The following SLC1A2 variants were observed in gnomAD, a reference collection of about 807,000 sequenced individuals.
The protein encoded by SLC1A2 is excitatory amino acid transporter 2.
SLC1A2 carries 15 observed loss-of-function variants against 48.8 expected under a neutral mutation model. That is an observed-to-expected ratio of 0.31 (90% CI 0.21 to 0.47). The LOEUF is 0.47. Among genes scored for constraint, SLC1A2 ranks in the 20% least tolerant of loss-of-function variants. The pLI is 0.99. For missense variants in SLC1A2, 502 were observed against 730.5 expected (o/e 0.69, Z 3.61); for synonymous variants, 279 against 272.6 (o/e 1.02, Z -0.23).
Position 35,312,519 on chromosome 11 carries a change from A to G in SLC1A2, c.311-71T>C, listed in dbSNP as rs76194787. ...GCTAATGACCTGTGTCTACATTTCT[A>G]TGACGTTAGCTTCATATTACTCAAA... On this transcript the variant is annotated intron_variant, in intron 3 of 10. Coordinates refer to ENST00000278379, the MANE Select transcript of SLC1A2 (RefSeq NM_004171.4). 9.6e-3 allele frequency: 14,640 copies of G among 1,522,182 alleles called. 166 individuals are homozygous for G. Among genetic ancestry groups the G allele is most frequent in the South Asian group, 0.022 (1,875 of 86,600 alleles). 94.3% of individuals were successfully genotyped at this position (1,522,182 alleles called of 1,614,324 possible).
At chr11:35,279,301 G>A (rs573502816) in intron 9 of SLC1A2, among the ~76,000 whole-genome samples, 8 of 152,326 alleles carry the variant, frequency 5.3e-5, no homozygotes, top group Admixed American at 3.3e-4. Flanking sequence ...CCCCCTTGTC[G>A]AAGACCATCT....
At chr11:35,265,842 A>G (rs564086170) in intron 9 of SLC1A2, 84 bp from the exon 10 acceptor site, 205 of 827,880 alleles carry the variant, frequency 2.5e-4, no homozygotes, top group East Asian at 6.6e-4. Flanking sequence ...TCAGAGAGAC[A>G]TAGGGTTGAG....
At chr11:35,369,713 C>T (rs1202203271) in intron 1 of SLC1A2, among the ~76,000 whole-genome samples, 1 of 152,200 alleles carries the variant, frequency 6.6e-6, no homozygotes, top group Non-Finnish European at 1.5e-5. Flanking sequence ...GCCTCTTAAG[C>T]TCTGCCTTGC....
At chr11:35,343,610 G>T (rs572759374) in intron 1 of SLC1A2, among the ~76,000 whole-genome samples, 3 of 151,984 alleles carry the variant, frequency 2.0e-5, no homozygotes, top group African/African-American at 7.3e-5. Flanking sequence ...AATTCCTTCT[G>T]GCTCTGGTGT....
At chr11:35,314,142 A>T (rs1230171192) in intron 3 of SLC1A2, among the ~76,000 whole-genome samples, 2 of 152,242 alleles carry the variant, frequency 1.3e-5, no homozygotes, top group African/African-American at 4.8e-5. Context: ...TAATTATTTT[A>T]GTCAAAGATA....
chr11:35,389,890 G>A (rs554526045), intron 1 of SLC1A2, among the ~76,000 whole-genome samples: 43 of 152,196 alleles, frequency 2.8e-4, no homozygotes, highest in Non-Finnish European at 5.4e-4. Flanking sequence ...TGGATTACAA[G>A]CATGAGACAC....
chr11:35,410,462 T>G (rs190064322), intron 1 of SLC1A2, among the ~76,000 whole-genome samples: 1 of 152,330 alleles, frequency 6.6e-6, no homozygotes, highest in African/African-American at 2.4e-5. Context: ...TGTGGACGCC[T>G]GGATATTCTG....
At chr11:35,368,291 A>G (rs140441895) in intron 1 of SLC1A2, among the ~76,000 whole-genome samples, 4 of 152,352 alleles carry the variant, frequency 2.6e-5, no homozygotes, top group Admixed American at 6.5e-5. Context: ...CAGAATTTAC[A>G]GCTTGTCAGC....
Position 35,312,309 on chromosome 11 carries a change from C to T in SLC1A2, c.450G>A (p.Lys150=), listed in dbSNP as rs745536001. ...LAIHPGNPKL[K]KQLGPGKKND... ...TCTTCTTCCCAGGCCCCAGCTGCTTCTTGAGCTTGGGATTGCCTGGATGGA... is the reference window on the plus strand; with the variant it reads ...TCTTCTTCCCAGGCCCCAGCTGCTTTTTGAGCTTGGGATTGCCTGGATGGA... The change falls in exon 4 of 11, where the codon AAG becomes AAA. Residue 150 remains lysine, a synonymous_variant. Coordinates refer to ENST00000278379, the MANE Select transcript of SLC1A2 (RefSeq NM_004171.4). 9.3e-6 allele frequency: 15 copies of T among 1,614,020 alleles called. No individual in the cohort carries two copies. In the East Asian group the frequency reaches 1.1e-4, roughly 12 times the overall value.
At chr11:35,329,883 C>T (rs1043277256) in intron 1 of SLC1A2, among the ~76,000 whole-genome samples, 1 of 152,210 alleles carries the variant, frequency 6.6e-6, no homozygotes, top group Admixed American at 6.5e-5. Context: ...CAGTTGCCAT[C>T]AGACAATGTA....
At chr11:35,380,083 C>T (rs1168153138) in intron 1 of SLC1A2, among the ~76,000 whole-genome samples, 3 of 152,248 alleles carry the variant, frequency 2.0e-5, no homozygotes, top group Non-Finnish European at 4.4e-5. Context: ...CTCATATTTT[C>T]ATAATCCATC....
At chr11:35,340,805 G>C (rs772191313) in intron 1 of SLC1A2, among the ~76,000 whole-genome samples, 15 of 152,164 alleles carry the variant, frequency 9.9e-5, no homozygotes, top group Non-Finnish European at 1.8e-4. Context: ...AAACTGTGCA[G>C]ACACTGAAGT....
At chr11:35,318,776 A>AAGAG (rs1391578131) in intron 1 of SLC1A2, among the ~76,000 whole-genome samples, 2 of 152,212 alleles carry the variant, frequency 1.3e-5, no homozygotes, top group Non-Finnish European at 2.9e-5. Context: ...GCACACAAAG[A>AAGAG]AGAGACATAT....
In SLC1A2 at chr11:35,251,930, G is replaced by GT. The variant is rs1258478966; in HGVS notation, c.*8963dup. The GT allele has an allele frequency of 1.3e-5, 2 of 152,588 alleles. No homozygotes were observed. Among genetic ancestry groups the GT allele is most frequent in the African/African-American group, 4.8e-5 (2 of 41,434 alleles). 9.5% of individuals were successfully genotyped at this position (152,588 alleles called of 1,614,324 possible). On this transcript the variant is annotated 3_prime_UTR_variant, in exon 11 of 11. Transcript: ENST00000278379. ...TTAGCGATAATTATACAGAATGTGT[G>GT]TTTTAGGAGGCAACTGTAAACTTGC...
chr11:35,296,822 A>G (rs1334834044), intron 6 of SLC1A2, among the ~76,000 whole-genome samples: 2 of 152,012 alleles, frequency 1.3e-5, no homozygotes, highest in African/African-American at 4.8e-5. Context: ...CCCCATCACT[A>G]TCTCTCGCTA....
chr11:35,364,311 A>G (rs536465924), intron 1 of SLC1A2, among the ~76,000 whole-genome samples: 1 of 152,322 alleles, frequency 6.6e-6, no homozygotes, highest in East Asian at 1.9e-4. Context: ...GTGATTCATC[A>G]TCTACCCATG....
intron 1 of SLC1A2, among the ~76,000 whole-genome samples, chr11:35,395,545 C>G (rs2135254409): frequency 6.6e-6 from 1 of 152,186 alleles, no homozygotes; most frequent in East Asian, 1.9e-4. Flanking sequence ...GTAAAGCAGG[C>G]AGCAGGCAAG....
intron 1 of SLC1A2, among the ~76,000 whole-genome samples, chr11:35,348,628 C>T (rs372321248): frequency 2.6e-5 from 4 of 152,080 alleles, no homozygotes; most frequent in Non-Finnish European, 4.4e-5. Flanking sequence ...CATGGTGGCT[C>T]ATCCTGTAAT....
At chr11:35,414,565 G>A (rs1053683198) in intron 1 of SLC1A2, among the ~76,000 whole-genome samples, 3 of 152,154 alleles carry the variant, frequency 2.0e-5, no homozygotes, top group Non-Finnish European at 4.4e-5. Flanking sequence ...GCAAGCTCAT[G>A]ATCGTGGTAA....
Sources: gnomAD v4.1 joint callset for allele counts (sites outside exome capture counted in the v4.1 genomes callset) on GRCh38, gnomAD v4.1.1 for gene constraint, MANE v1.5 for transcripts, NCBI Gene and HGNC (gene_info 2026-07-23, HGNC 2026-07-21) for gene names.